NTNG1: variants seen among roughly 807,000 people sequenced by gnomAD.
NTNG1 encodes the protein netrin-G1.
Under a neutral mutation model 54.0 loss-of-function variants are expected in NTNG1, and 16 were observed. That is an observed-to-expected ratio of 0.30 (90% CI 0.20 to 0.45). The LOEUF (loss-of-function observed/expected upper bound fraction) is 0.45. Ranked by LOEUF, NTNG1 falls within the 20% of genes least tolerant of loss-of-function variation. The pLI is 1.00. For synonymous variants in NTNG1, 255 were observed against 263.1 expected (o/e 0.97, Z 0.30); for missense variants, 530 against 678.7 (o/e 0.78, Z 2.43).
intron 7 of NTNG1, among the ~76,000 whole-genome samples, chr1:107,471,159 C>A: frequency 6.6e-6 from 1 of 152,096 alleles, no homozygotes; most frequent in East Asian, 1.9e-4. Flanking sequence ...ATGGCTACTC[C>A]CTAGGGTCAG....
At chr1:107,433,879 C>T (rs1336211918) in intron 6 of NTNG1, among the ~76,000 whole-genome samples, 1 of 152,172 alleles carries the variant, frequency 6.6e-6, no homozygotes, top group African/African-American at 2.4e-5. Context: ...TAAGGTTTGC[C>T]CTATGAGACA....
chr1:107,185,821 T>G (rs4625309), intron 2 of NTNG1, among the ~76,000 whole-genome samples: 150,150 of 152,228 alleles, frequency 0.99, 74,071 homozygotes, highest in East Asian at 1. Context: ...GTTCATTTTT[T>G]AAAAATGCAG....
intron 3 of NTNG1, among the ~76,000 whole-genome samples, chr1:107,392,756 C>T (rs972383632): frequency 6.6e-6 from 1 of 152,046 alleles, no homozygotes; most frequent in Non-Finnish European, 1.5e-5. Context: ...ACCAAATGCA[C>T]AGCAGGTATT....
chr1:107,442,728 G>T (rs959748344), intron 7 of NTNG1, among the ~76,000 whole-genome samples: 2 of 152,148 alleles, frequency 1.3e-5, no homozygotes, highest in Admixed American at 1.3e-4. Flanking sequence ...ACATCAAGGG[G>T]CCAGTTCTTG....
intron 2 of NTNG1, among the ~76,000 whole-genome samples, chr1:107,154,101 C>A (rs1227189546): frequency 6.6e-6 from 1 of 151,968 alleles, no homozygotes; most frequent in Non-Finnish European, 1.5e-5. Flanking sequence ...ATGGTCATTG[C>A]GGCCAACAGA....
At chr1:107,320,076 T>C (rs533502552) in intron 2 of NTNG1, among the ~76,000 whole-genome samples, 14 of 152,218 alleles carry the variant, frequency 9.2e-5, no homozygotes, top group African/African-American at 3.4e-4. Context: ...GGCTACAAAT[T>C]GCTAATTAAT....
intron 2 of NTNG1, among the ~76,000 whole-genome samples, chr1:107,312,854 C>T (rs988846638): frequency 2.0e-5 from 3 of 152,080 alleles, no homozygotes; most frequent in African/African-American, 7.2e-5. Flanking sequence ...TTCCAAATCT[C>T]ACATTTATAG....
intron 2 of NTNG1, among the ~76,000 whole-genome samples, chr1:107,159,227 C>G (rs1655226977): frequency 6.6e-6 from 1 of 152,098 alleles, no homozygotes; most frequent in Admixed American, 6.6e-5. Flanking sequence ...GTTTTTATTT[C>G]AAAGTTTAGA....
At chr1:107,334,841 C>A (rs1257869040) in intron 3 of NTNG1, among the ~76,000 whole-genome samples, 2 of 151,942 alleles carry the variant, frequency 1.3e-5, no homozygotes, top group African/African-American at 2.4e-5. Context: ...TGCAGAATAT[C>A]CTTCTAAGCA....
chr1:107,230,764 T>G (rs1661015698), intron 2 of NTNG1, among the ~76,000 whole-genome samples: 1 of 152,022 alleles, frequency 6.6e-6, no homozygotes, highest in Non-Finnish European at 1.5e-5. Context: ...CTGCCAAAAC[T>G]TTGAACACAT....
At chr1:107,244,659 C>T (rs1049518515) in intron 2 of NTNG1, among the ~76,000 whole-genome samples, 3 of 152,130 alleles carry the variant, frequency 2.0e-5, no homozygotes, top group Non-Finnish European at 4.4e-5. Flanking sequence ...CTCCCTCTTC[C>T]TTCCTCCTTC....
intron 2 of NTNG1, among the ~76,000 whole-genome samples, chr1:107,227,219 T>C (rs1435234978): frequency 6.6e-6 from 1 of 152,112 alleles, no homozygotes; most frequent in Admixed American, 6.6e-5. Flanking sequence ...CCTCACAGGG[T>C]TGTACCTAGT....
At chr1:107,235,860 C>A (rs1387942141) in intron 2 of NTNG1, among the ~76,000 whole-genome samples, 2 of 152,094 alleles carry the variant, frequency 1.3e-5, no homozygotes, top group Non-Finnish European at 2.9e-5. Context: ...TTTGGGAAGA[C>A]TACATCCCAC....
chr1:107,187,928 T>A (rs1248509391), intron 2 of NTNG1, among the ~76,000 whole-genome samples: 1 of 152,168 alleles, frequency 6.6e-6, no homozygotes, highest in African/African-American at 2.4e-5. Context: ...AATTCTCAGT[T>A]ACAGCTTTGG....
At chr1:107,381,127 C>T (rs1006235611) in intron 3 of NTNG1, among the ~76,000 whole-genome samples, 3 of 151,840 alleles carry the variant, frequency 2.0e-5, no homozygotes, top group Non-Finnish European at 4.4e-5. Context: ...TATCAAGTAC[C>T]TACTCATGTG....
chr1:107,399,141 A>G (rs1672866439), intron 4 of NTNG1, among the ~76,000 whole-genome samples: 1 of 152,162 alleles, frequency 6.6e-6, no homozygotes, highest in Non-Finnish European at 1.5e-5. Flanking sequence ...TTACATTACT[A>G]TAATAGAAAC....
intron 5 of NTNG1, among the ~76,000 whole-genome samples, chr1:107,428,644 C>G (rs1382372557): frequency 1.3e-5 from 2 of 152,078 alleles, no homozygotes; most frequent in Non-Finnish European, 2.9e-5. Flanking sequence ...TCAAAAAGTC[C>G]TTGGGAAGCA....
intron 2 of NTNG1, among the ~76,000 whole-genome samples, chr1:107,244,142 T>G (rs1482381996): frequency 1.3e-5 from 2 of 152,226 alleles, no homozygotes; most frequent in Non-Finnish European, 2.9e-5. Flanking sequence ...ACTAACTTTA[T>G]ATATAATGTT....
chr1:107,352,909 G>A (rs890468009), intron 3 of NTNG1, among the ~76,000 whole-genome samples: 2 of 152,212 alleles, frequency 1.3e-5, no homozygotes, highest in Non-Finnish European at 2.9e-5. Flanking sequence ...GCCACAACTG[G>A]AGCTGGAGCA....
Sources: gnomAD v4.1 joint callset for allele counts (sites outside exome capture counted in the v4.1 genomes callset) on GRCh38, gnomAD v4.1.1 for gene constraint, MANE v1.5 for transcripts, NCBI Gene and HGNC (gene_info 2026-07-23, HGNC 2026-07-21) for gene names.